GDI2: variants seen among roughly 807,000 people sequenced by gnomAD.
GDI2 encodes the protein rab GDP dissociation inhibitor beta.
Under a neutral mutation model 54.2 loss-of-function variants are expected in GDI2, and 22 were observed. The ratio of observed to expected loss-of-function variants is 0.41; its 90% CI spans 0.29 to 0.58. The LOEUF is 0.58. GDI2 is among the 20% of genes least tolerant of loss of function. The probability of loss-of-function intolerance (pLI) is 0.35; values close to 1 mark genes in which losing one functional copy is unlikely to be tolerated. For synonymous variants in GDI2, 177 were observed against 182.1 expected (o/e 0.97, Z 0.23); for missense variants, 422 against 546.0 (o/e 0.77, Z 2.26).
Position 5,788,386 on chromosome 10 carries a change from T to TCC in GDI2, c.389-2338_389-2337dup, listed in dbSNP as rs576756323. On this transcript the variant is annotated intron_variant, in intron 4 of 10. Coordinates refer to ENST00000380191, the MANE Select transcript of GDI2 (RefSeq NM_001494.4). ...TTTATTTAAAGCGTCCTTCTCACAC[T>TCC]CCCTCCTTCCTCTTTCCCCCACAGC... 1.8e-3 allele frequency among the ~76,000 whole-genome samples: 276 copies of TCC among 152,200 alleles called. 1 individual carries two copies. The highest frequency in any genetic ancestry group is 6.2e-3 in the African/African-American group (256 of 41,534).
chr10:5,795,191 C>T (rs1203106635), intron 3 of GDI2, among the ~76,000 whole-genome samples, 172 bp from the exon 4 acceptor site: 3 of 152,154 alleles, frequency 2.0e-5, no homozygotes, highest in African/African-American at 7.2e-5. Flanking sequence ...TGCAGTGGCA[C>T]AATCACGAGC....
In GDI2 at chr10:5,765,927, C is replaced by CT. The variant is rs1491511592; in HGVS notation, c.*78dup. 2.0e-6 allele frequency: 2 copies of CT among 1,018,974 alleles called. No homozygotes were observed. The highest frequency in any genetic ancestry group is 3.2e-5 in the African/African-American group (2 of 61,842). 63.1% of individuals were successfully genotyped at this position (1,018,974 alleles called of 1,614,324 possible). Reference sequence around the variant, plus strand: ...CTCCATTTTCATTACAAAAGCAGGCCTTACAATATTGATTTCATTATATGC... The same window carrying CT: ...CTCCATTTTCATTACAAAAGCAGGCCTTTACAATATTGATTTCATTATATGC... On this transcript the variant is annotated 3_prime_UTR_variant, in exon 11 of 11. Coordinates refer to ENST00000380191, the MANE Select transcript of GDI2 (RefSeq NM_001494.4).
At chr10:5,809,417 T>C (rs1328024295) in intron 1 of GDI2, among the ~76,000 whole-genome samples, 1 of 152,152 alleles carries the variant, frequency 6.6e-6, no homozygotes, top group Non-Finnish European at 1.5e-5. Flanking sequence ...CCACTCCCCA[T>C]TCCCTACATA....
intron 6 of GDI2, among the ~76,000 whole-genome samples, chr10:5,775,192 G>A (rs543817890): frequency 1.3e-5 from 2 of 152,314 alleles, no homozygotes; most frequent in South Asian, 2.1e-4. Flanking sequence ...GAATGCTGAA[G>A]TGGCAGCATC....
At chr10:5,792,304 G>C (rs1175458870) in intron 4 of GDI2, among the ~76,000 whole-genome samples, 1 of 152,112 alleles carries the variant, frequency 6.6e-6, no homozygotes, top group South Asian at 2.1e-4. Flanking sequence ...AATAGCACCT[G>C]CATCTCACAC....
In GDI2 at chr10:5,768,089, C is replaced by T. The variant is rs78041313; in HGVS notation, c.991+124G>A. On this transcript the variant is annotated intron_variant, in intron 8 of 10. Coordinates refer to ENST00000380191, the MANE Select transcript of GDI2 (RefSeq NM_001494.4). This position sits in a 1 kb window ranked among gnomAD's most constrained non-coding sequence, Gnocchi z 4.4. Reference sequence around the variant, plus strand: ...CAGGAGGAGGTACAAAGATTTTTTTCCCCCATATGTAAACCAAGGTCTGTT... The same window carrying T: ...CAGGAGGAGGTACAAAGATTTTTTTTCCCCATATGTAAACCAAGGTCTGTT... 15 of 692,288 alleles carry T rather than the reference C, an allele frequency of 2.2e-5. No individual in the cohort carries two copies. Among genetic ancestry groups the T allele is most frequent in the African/African-American group, 5.5e-5 (3 of 54,342 alleles). The allele number at this position is 692,288 out of a possible 1,614,324, so 42.9% of individuals were successfully genotyped here. A position where few individuals can be genotyped will look rare whatever the true frequency, so the allele number is the denominator to read the frequency against.
chr10:5,812,991 T>A (rs1841509228), intron 1 of GDI2, among the ~76,000 whole-genome samples: 1 of 151,766 alleles, frequency 6.6e-6, no homozygotes. Flanking sequence ...ACGGCCCGCA[T>A]CTCCATTTCC....
Position 5,774,055 on chromosome 10 carries a change from A to G in GDI2, c.720-114T>C, listed in dbSNP as rs1405731683. On this transcript the variant is annotated intron_variant, in intron 6 of 10. Transcript: ENST00000380191. The surrounding 1 kb of genome is among the most constrained non-coding windows in gnomAD (Gnocchi z 4.8). Reference sequence around the variant, plus strand: ...ATATACATTTGTTCAATTTCCTTCTAGAAAGATGTCAGCTTAGAAGTGATT... The same window carrying G: ...ATATACATTTGTTCAATTTCCTTCTGGAAAGATGTCAGCTTAGAAGTGATT... 8.9e-6 allele frequency: 5 copies of G among 562,568 alleles called. No individual in the cohort carries two copies. The highest frequency in any genetic ancestry group is 9.3e-6 in the Non-Finnish European group (3 of 323,948). 34.8% of individuals were successfully genotyped at this position (562,568 alleles called of 1,614,324 possible).
intron 1 of GDI2, among the ~76,000 whole-genome samples, chr10:5,810,608 G>T (rs61832870): frequency 0.093 from 14,156 of 152,262 alleles, 780 homozygotes; most frequent in East Asian, 0.15. Flanking sequence ...CCATGTTACA[G>T]CATAACACAA....
intron 4 of GDI2, among the ~76,000 whole-genome samples, chr10:5,790,482 A>G (rs1840986991): frequency 6.6e-6 from 1 of 152,058 alleles, no homozygotes; most frequent in Admixed American, 6.6e-5. Flanking sequence ...TATCTCTATT[A>G]AAAATACAAA....
intron 7 of GDI2, among the ~76,000 whole-genome samples, chr10:5,772,957 T>G (rs1369547734): frequency 1.3e-5 from 2 of 152,104 alleles, no homozygotes; most frequent in Admixed American, 1.3e-4. Context: ...CCTCCAGGTA[T>G]AACCTGGACA....
At chr10:5,778,150 G>C (rs988991037) in intron 6 of GDI2, among the ~76,000 whole-genome samples, 4 of 152,120 alleles carry the variant, frequency 2.6e-5, no homozygotes, top group Admixed American at 2.0e-4. Context: ...TGGGGGCTAG[G>C]GAGGGATAGC....
Position 5,766,624 on chromosome 10 carries a change from T to A in GDI2, c.1006A>T (p.Met336Leu), listed in dbSNP as rs2131677951. The change falls in exon 9 of 11, where the codon ATG (methionine) becomes TTG (leucine). Residue 336 changes from methionine to leucine, a missense_variant. Transcript: ENST00000380191. The surrounding 1 kb of genome is among the most constrained non-coding windows in gnomAD (Gnocchi z 5.8). ...GCTACATTGTGCGCAAAGGAGATCATGCAGACGTAGATATCTAGAAACAAA... is the reference window on the plus strand; with the variant it reads ...GCTACATTGTGCGCAAAGGAGATCAAGCAGACGTAGATATCTAGAAACAAA... The part of the protein sequence containing the change: ...VNRKSDIYVC[M>L]ISFAHNVAAQ... 6.2e-7 allele frequency: 1 copy of A among 1,613,732 alleles called. No individual in the cohort carries two copies. Among genetic ancestry groups the A allele is most frequent in the South Asian group, 1.1e-5 (1 of 91,064 alleles).
Position 5,808,414 on chromosome 10 carries a change from C to T in GDI2, c.45+4800G>A, listed in dbSNP as rs1032651245. Among the ~76,000 whole-genome samples the T allele has an allele frequency of 2.0e-5, 3 of 152,226 alleles. No homozygotes were observed. In the East Asian group the frequency reaches 5.8e-4, roughly 29 times the overall value. On this transcript the variant is annotated intron_variant, in intron 1 of 10. Coordinates refer to ENST00000380191, the MANE Select transcript of GDI2 (RefSeq NM_001494.4). ...ATGGGCTGGGTGCGGTGGCTCTCGC[C>T]TGTAATCCCAGCACTTTGGGAGGCT...
chr10:5,784,749 G>A (rs576989335), intron 6 of GDI2, among the ~76,000 whole-genome samples: 137 of 152,336 alleles, frequency 9.0e-4, no homozygotes, highest in Admixed American at 1.8e-3. Flanking sequence ...TGGTACTGGA[G>A]AGTGTCTGCA....
At position 5,768,335 on chromosome 10, in the gene GDI2, C is replaced by A; in HGVS notation, c.869G>T (p.Arg290Leu). Reference protein sequence around the residue: ...LICDPSYVKDRVEKVGQVIRV... With the variant: ...LICDPSYVKDLVEKVGQVIRV... ...GATCACCTGGCCCACTTTTTCTACC[C>A]GATCTTTTACGTAGCTGGGGTCACA... The change falls in exon 8 of 11, where the codon CGG (arginine) becomes CTG (leucine). Residue 290 changes from arginine to leucine, a missense_variant. Coordinates refer to ENST00000380191, the MANE Select transcript of GDI2 (RefSeq NM_001494.4). The surrounding 1 kb of genome is among the most constrained non-coding windows in gnomAD (Gnocchi z 4.4). 1 of 1,613,476 alleles carries A rather than the reference C, an allele frequency of 6.2e-7. No individual in the cohort carries two copies. The highest frequency in any genetic ancestry group is 8.5e-7 in the Non-Finnish European group (1 of 1,179,418).
At chr10:5,811,220 T>C (rs1564401453) in intron 1 of GDI2, among the ~76,000 whole-genome samples, 1 of 152,200 alleles carries the variant, frequency 6.6e-6, no homozygotes, top group Non-Finnish European at 1.5e-5. Flanking sequence ...CCTGAATTGA[T>C]ATAATTATCA....
rs755326206 is a variant in GDI2, at chr10:5,785,175, T to C, written c.686A>G (p.Tyr229Cys). 2.5e-6 allele frequency: 4 copies of C among 1,612,056 alleles called. No individual in the cohort carries two copies. The highest frequency in any genetic ancestry group is 2.2e-5 in the East Asian group (1 of 44,842). Residue 229 changes from tyrosine (Y) to cysteine (C), a missense_variant, in exon 6 of 11, where the codon TAT (tyrosine) becomes TGT (cysteine). Tyr to Cys is a radical substitution (Grantham distance 194, BLOSUM62 -2). Transcript: ENST00000380191. The stretch of plus-strand genomic sequence containing the variant: ...TCCTTGGGGCAGTTCTCCAAGGCCA[T>C]AGAGTGGATAAAGGTATGGGCTTTT... Reference protein sequence around the residue: ...YGKSPYLYPLYGLGELPQGFA... With the variant: ...YGKSPYLYPLCGLGELPQGFA...
At chr10:5,784,713 C>T (rs1409661807) in intron 6 of GDI2, among the ~76,000 whole-genome samples, 2 of 152,340 alleles carry the variant, frequency 1.3e-5, no homozygotes, top group East Asian at 3.9e-4. Flanking sequence ...ATCTAGCCGC[C>T]CAGTGGAGAT....
Sources: allele counts gnomAD v4.1 joint callset (sites outside exome capture counted in the v4.1 genomes callset), GRCh38; gene constraint gnomAD v4.1.1; non-coding constraint Gnocchi (gnomAD v3.1); transcripts MANE v1.5; gene names NCBI Gene and HGNC (gene_info 2026-07-23, HGNC 2026-07-21).